Variants in ROBO1 observed in about 807,000 individuals in gnomAD.
ROBO1 encodes the protein roundabout guidance receptor 1.
Under a neutral mutation model 195.9 loss-of-function variants are expected in ROBO1, and 149 were observed. The ratio of observed to expected loss-of-function variants is 0.76; its 90% CI spans 0.67 to 0.87. The LOEUF is 0.87. Ranked by LOEUF, ROBO1 falls within the 40% of genes least tolerant of loss-of-function variation. The pLI, the probability that ROBO1 is intolerant of heterozygous loss-of-function variation, is 0.00. For synonymous variants in ROBO1, 816 were observed against 733.2 expected, an observed-to-expected ratio of 1.11 and a Z score of -1.82; for missense variants, 1,933 against 2,068.3, an observed-to-expected ratio of 0.93 and a Z score of 1.27.
intron 3 of ROBO1, among the ~76,000 whole-genome samples, chr3:79,021,536 C>A (rs2078101143): frequency 6.6e-6 from 1 of 152,094 alleles, no homozygotes; most frequent in Non-Finnish European, 1.5e-5. Context: ...TTGCTCGTAT[C>A]TCTCAAGATT....
intron 3 of ROBO1, among the ~76,000 whole-genome samples, chr3:78,947,018 C>T (rs957650248): frequency 8.5e-5 from 13 of 152,082 alleles, no homozygotes; most frequent in African/African-American, 2.7e-4. Context: ...CCCAGATTCA[C>T]AAAGCAAGAC....
chr3:79,564,553 T>C (rs1943030987), intron 2 of ROBO1, among the ~76,000 whole-genome samples: 1 of 152,074 alleles, frequency 6.6e-6, no homozygotes, highest in Non-Finnish European at 1.5e-5. Context: ...GGAGATATTT[T>C]ATGAATTGAA....
chr3:79,142,917 T>G (rs1337737377), intron 2 of ROBO1, among the ~76,000 whole-genome samples: 1 of 152,110 alleles, frequency 6.6e-6, no homozygotes, highest in African/African-American at 2.4e-5. Flanking sequence ...TTGCAACCCT[T>G]GTAAATGGAG....
chr3:79,256,269 G>C (rs2082832006), intron 2 of ROBO1, among the ~76,000 whole-genome samples: 1 of 152,104 alleles, frequency 6.6e-6, no homozygotes. Flanking sequence ...TAATTCGGAA[G>C]AATCACCCTT....
At chr3:79,111,584 C>T (rs2079887787) in intron 3 of ROBO1, among the ~76,000 whole-genome samples, 1 of 152,078 alleles carries the variant, frequency 6.6e-6, no homozygotes, top group Non-Finnish European at 1.5e-5. Flanking sequence ...ATTCATTTCC[C>T]AACACGTCAC....
chr3:78,824,981 T>C (rs895487778), intron 4 of ROBO1, among the ~76,000 whole-genome samples: 1 of 152,150 alleles, frequency 6.6e-6, no homozygotes, highest in African/African-American at 2.4e-5. Context: ...AAATTCTGTT[T>C]CACTTTTTTT....
intron 2 of ROBO1, among the ~76,000 whole-genome samples, chr3:79,313,628 T>G (rs1392170248): frequency 6.6e-6 from 1 of 152,158 alleles, no homozygotes. Flanking sequence ...ATGAGTTATG[T>G]GCAAAGAGAT....
chr3:79,206,028 G>A (rs950681532), intron 2 of ROBO1, among the ~76,000 whole-genome samples: 1 of 151,910 alleles, frequency 6.6e-6, no homozygotes, highest in African/African-American at 2.4e-5. Context: ...GCCAATTGTG[G>A]TCTGAAAATA....
chr3:79,596,807 G>A (rs142862741), intron 1 of ROBO1, among the ~76,000 whole-genome samples: 2 of 152,016 alleles, frequency 1.3e-5, no homozygotes, highest in African/African-American at 2.4e-5. Flanking sequence ...GCTTTTTCTT[G>A]TCAGTGGTTA....
chr3:79,662,025 G>A (rs1411428730), intron 1 of ROBO1, among the ~76,000 whole-genome samples: 1 of 151,890 alleles, frequency 6.6e-6, no homozygotes, highest in African/African-American at 2.4e-5. Flanking sequence ...AATGCAAAGA[G>A]CAGTCCTTTT....
chr3:79,184,770 G>T (rs2081406682), intron 2 of ROBO1, among the ~76,000 whole-genome samples: 5 of 152,118 alleles, frequency 3.3e-5, no homozygotes, highest in Admixed American at 3.3e-4. Context: ...GGGGGAAATT[G>T]CTGGAGCCTT....
intron 2 of ROBO1, among the ~76,000 whole-genome samples, chr3:79,480,789 CA>C (rs2107376568): frequency 6.6e-6 from 1 of 152,158 alleles, no homozygotes; most frequent in Admixed American, 6.5e-5. Context: ...TTTACTTTAA[CA>C]AAAGAACCAT....
At chr3:78,801,055 G>C (rs1308736359) in intron 4 of ROBO1, among the ~76,000 whole-genome samples, 2 of 152,108 alleles carry the variant, frequency 1.3e-5, no homozygotes, top group African/African-American at 4.8e-5. Context: ...TGAACACAAA[G>C]TTAGAGCACT....
intron 2 of ROBO1, among the ~76,000 whole-genome samples, chr3:79,581,866 CAA>C (rs1452858278): frequency 6.6e-6 from 1 of 151,894 alleles, no homozygotes; most frequent in Non-Finnish European, 1.5e-5. Context: ...ATTGAAAGAA[CAA>C]ATCATATATA....
chr3:78,931,242 T>TTTC, intron 4 of ROBO1, among the ~76,000 whole-genome samples: 1 of 140,000 alleles, frequency 7.1e-6, no homozygotes, highest in East Asian at 2.0e-4. Context: ...CTTTCTTTTT[T>TTTC]TTTTTTTTTT....
intron 3 of ROBO1, among the ~76,000 whole-genome samples, chr3:78,977,613 A>T (rs942316079): frequency 9.1e-4 from 137 of 150,078 alleles, no homozygotes; most frequent in African/African-American, 1.8e-3. Context: ...TATATATTTT[A>T]AAAAAAAAGA....
chr3:78,668,940 G>C (rs1183622641), intron 11 of ROBO1, among the ~76,000 whole-genome samples: 1 of 152,060 alleles, frequency 6.6e-6, no homozygotes, highest in East Asian at 1.9e-4. Flanking sequence ...GGCTGATAAA[G>C]TTTAACCAAT....
chr3:79,485,522 C>T (rs140040930), intron 2 of ROBO1, among the ~76,000 whole-genome samples: 1,604 of 152,096 alleles, frequency 0.011, 23 homozygotes, highest in Middle Eastern at 0.041. Flanking sequence ...ATTTAGTGTT[C>T]ACTTCTGTTC....
At chr3:79,584,414 TAAAAC>T (rs1943756381) in intron 2 of ROBO1, among the ~76,000 whole-genome samples, 1 of 151,194 alleles carries the variant, frequency 6.6e-6, no homozygotes, top group African/African-American at 2.4e-5. Flanking sequence ...TTTATTTTCT[TAAAAC>T]AAACAAAATA....
Sources: gnomAD v4.1 joint callset for allele counts (sites outside exome capture counted in the v4.1 genomes callset) on GRCh38, gnomAD v4.1.1 for gene constraint, MANE v1.5 for transcripts, NCBI Gene and HGNC (gene_info 2026-07-23, HGNC 2026-07-21) for gene names.